BNC2: variants seen among roughly 807,000 people sequenced by gnomAD.
BNC2 encodes the protein basonuclin zinc finger protein 2.
A neutral mutation model predicts 76.3 loss-of-function variants in BNC2; 20 were observed. That is an observed-to-expected ratio of 0.26 (90% CI 0.18 to 0.38). The LOEUF is 0.38. Ranked by LOEUF, BNC2 falls within the 10% of genes least tolerant of loss-of-function variation. The pLI, the probability that BNC2 is intolerant of heterozygous loss-of-function variation, is 1.00. For missense variants in BNC2, 1,382 were observed against 1,399.8 expected (o/e 0.99, Z 0.20); for synonymous variants, 582 against 514.8 (o/e 1.13, Z -1.77).
At chr9:16,834,061 A>G (rs1818645378) in intron 1 of BNC2, among the ~76,000 whole-genome samples, 1 of 152,156 alleles carries the variant, frequency 6.6e-6, no homozygotes, top group Non-Finnish European at 1.5e-5. Flanking sequence ...ACAACCCTTC[A>G]GAGAAATCTT....
At chr9:16,829,093 G>A (rs1441488684) in intron 1 of BNC2, among the ~76,000 whole-genome samples, 2 of 152,142 alleles carry the variant, frequency 1.3e-5, no homozygotes, top group African/African-American at 2.4e-5. Context: ...AGGACTGAGC[G>A]CGACTGTTCC....
intron 3 of BNC2, among the ~76,000 whole-genome samples, chr9:16,643,324 GA>G (rs1821541237): frequency 6.9e-6 from 1 of 145,424 alleles, no homozygotes; most frequent in Non-Finnish European, 1.5e-5. Context: ...AAAAAAAAAT[GA>G]GGTACCAAAT....
intron 5 of BNC2, among the ~76,000 whole-genome samples, chr9:16,452,530 C>G (rs1007001632): frequency 7.2e-5 from 11 of 152,150 alleles, no homozygotes; most frequent in African/African-American, 2.7e-4. Flanking sequence ...TAATGCAATT[C>G]TCCCAAGTAG....
At chr9:16,861,134 G>T (rs1819396984) in intron 1 of BNC2, among the ~76,000 whole-genome samples, 3 of 149,350 alleles carry the variant, frequency 2.0e-5, no homozygotes, top group Admixed American at 2.0e-4. Context: ...TTGAGGCCAG[G>T]AGTTTGAAAC....
At chr9:16,582,468 G>C (rs1309959806) in intron 4 of BNC2, among the ~76,000 whole-genome samples, 1 of 152,084 alleles carries the variant, frequency 6.6e-6, no homozygotes, top group Non-Finnish European at 1.5e-5. Context: ...GTATTTACAG[G>C]TTATATTTTC....
chr9:16,617,269 A>T (rs1032343901), intron 3 of BNC2, among the ~76,000 whole-genome samples: 3 of 152,208 alleles, frequency 2.0e-5, no homozygotes, highest in African/African-American at 7.2e-5. Flanking sequence ...ATTATCAGAT[A>T]TATCTTCTTA....
intron 4 of BNC2, among the ~76,000 whole-genome samples, chr9:16,573,952 A>C (rs151068459): frequency 1.2e-4 from 18 of 152,324 alleles, no homozygotes; most frequent in African/African-American, 4.3e-4. Context: ...GAAATACTGT[A>C]CTTATCCAGC....
chr9:16,545,062 G>A (rs1333952974), intron 5 of BNC2, among the ~76,000 whole-genome samples: 1 of 152,142 alleles, frequency 6.6e-6, no homozygotes, highest in Non-Finnish European at 1.5e-5. Flanking sequence ...CAACTCTGAA[G>A]TACAAAGTCT....
At chr9:16,532,843 T>G (rs1818024141) in intron 5 of BNC2, among the ~76,000 whole-genome samples, 1 of 152,218 alleles carries the variant, frequency 6.6e-6, no homozygotes, top group South Asian at 2.1e-4. Context: ...CAACTCCATG[T>G]TCAGTGACTC....
At chr9:16,545,721 A>G (rs1007411654) in intron 5 of BNC2, among the ~76,000 whole-genome samples, 2 of 152,158 alleles carry the variant, frequency 1.3e-5, no homozygotes, top group African/African-American at 4.8e-5. Context: ...CTCATTTACA[A>G]ATCAGTTCTG....
At position 16,726,558 on chromosome 9, in the gene BNC2, T is replaced by TAAAA. The variant is rs1563916666; in HGVS notation, c.330+1238_330+1239insTTTT. On this transcript the variant is annotated intron_variant, in intron 3 of 6. Transcript: ENST00000380672. ...GTGAACTCTTACAAACAAAAGCTTT[T>TAAAA]TAAAAAAAAAAAAAAAAAAAGCAGT... 7.8e-5 allele frequency among the ~76,000 whole-genome samples: 8 copies of TAAAA among 103,198 alleles called. 1 individual carries two copies. The highest frequency in any genetic ancestry group is 3.0e-4 in the African/African-American group (6 of 19,722). The allele number at this position is 103,198 out of a possible 152,430, so 67.7% of individuals were successfully genotyped here. A position where few individuals can be genotyped will look rare whatever the true frequency, so the allele number is the denominator to read the frequency against.
In BNC2 at chr9:16,661,125, T is replaced by C. The variant is rs142404870; in HGVS notation, c.330+66672A>G. The stretch of plus-strand genomic sequence containing the variant: ...ACCTTCCCAACGTCATGTGGTAAAA[T>C]TGATTTTACAACCTAGGGGTTCCTT... On this transcript the variant is annotated intron_variant, in intron 3 of 6. Coordinates refer to ENST00000380672, the MANE Select transcript of BNC2 (RefSeq NM_017637.6). 2.6e-3 allele frequency among the ~76,000 whole-genome samples: 396 copies of C among 152,280 alleles called. 3 individuals are homozygous for C. The highest frequency in any genetic ancestry group is 9.0e-3 in the African/African-American group (373 of 41,562).
At chr9:16,702,538 TAAAAA>T (rs35763446) in intron 3 of BNC2, among the ~76,000 whole-genome samples, 2 of 138,404 alleles carry the variant, frequency 1.4e-5, no homozygotes, top group Non-Finnish European at 1.6e-5. Context: ...TTTCTTTACT[TAAAAA>T]AAAAAAAAAA....
At chr9:16,499,541 T>G (rs1335539323) in intron 5 of BNC2, among the ~76,000 whole-genome samples, 1 of 148,724 alleles carries the variant, frequency 6.7e-6, no homozygotes, top group Non-Finnish European at 1.5e-5. Context: ...TTTTTTTTTT[T>G]TTTTTTGAGA....
At chr9:16,498,766 G>C (rs1014279956) in intron 5 of BNC2, among the ~76,000 whole-genome samples, 14 of 151,924 alleles carry the variant, frequency 9.2e-5, no homozygotes, top group Admixed American at 8.5e-4. Context: ...CTCATATTGG[G>C]AAACAGACCT....
chr9:16,515,808 T>TA (rs993631378), intron 5 of BNC2, among the ~76,000 whole-genome samples: 10 of 148,884 alleles, frequency 6.7e-5, no homozygotes, highest in South Asian at 2.1e-4. Flanking sequence ...AATTCCATGC[T>TA]AAAAAAAAGA....
rs146356825 is a variant in BNC2 at position 16,541,058 on chromosome 9, G to A, written c.669+11472C>T. 3.3e-5 allele frequency among the ~76,000 whole-genome samples: 5 copies of A among 152,314 alleles called. No homozygotes were observed. In the East Asian group the frequency reaches 9.7e-4, roughly 29 times the overall value. On this transcript the variant is annotated intron_variant, in intron 5 of 6. Transcript: ENST00000380672. ...TGCAGCAGGCATAGTAAAGGCTAGAGAGAAAAGAAATAAACTTCCTTCAGG... is the reference window on the plus strand; with the variant it reads ...TGCAGCAGGCATAGTAAAGGCTAGAAAGAAAAGAAATAAACTTCCTTCAGG...
At chr9:16,439,967 T>C (rs1245562971) in intron 5 of BNC2, among the ~76,000 whole-genome samples, 1 of 152,206 alleles carries the variant, frequency 6.6e-6, no homozygotes, top group Non-Finnish European at 1.5e-5. Context: ...CCCCAGATGA[T>C]CCTGAAGTCC....
intron 5 of BNC2, among the ~76,000 whole-genome samples, chr9:16,446,933 G>A (rs1336523642): frequency 6.6e-6 from 1 of 151,994 alleles, no homozygotes; most frequent in African/African-American, 2.4e-5. Context: ...ATGGGCATTT[G>A]TTTGCAAATA....
Sources: allele counts gnomAD v4.1 joint callset (sites outside exome capture counted in the v4.1 genomes callset), GRCh38; gene constraint gnomAD v4.1.1; transcripts MANE v1.5; gene names NCBI Gene and HGNC (gene_info 2026-07-23, HGNC 2026-07-21).